The following MACROD2 variants were observed in gnomAD, a reference collection of about 807,000 sequenced individuals.
The protein encoded by MACROD2 is mono-ADP ribosylhydrolase 2.
In MACROD2, 36 loss-of-function variants were observed where a neutral mutation model predicts 70.4. The observed-to-expected ratio is 0.51, with a 90% CI of 0.39 to 0.68. MACROD2 has a LOEUF of 0.68. MACROD2 is among the 30% of genes least tolerant of loss of function. MACROD2 has a pLI of 0.00. For synonymous variants in MACROD2, 172 were observed against 178.8 expected (o/e 0.96, Z 0.30); for missense variants, 496 against 538.4 (o/e 0.92, Z 0.78).
intron 8 of MACROD2, among the ~76,000 whole-genome samples, chr20:15,691,716 T>A (rs6034262): frequency 0.26 from 38,973 of 152,068 alleles, 6,377 homozygotes; most frequent in African/African-American, 0.47. Context: ...CAAACATGGA[T>A]GTTGCCCAGT....
chr20:14,428,843 G>A (rs2122921581), intron 3 of MACROD2, among the ~76,000 whole-genome samples: 1 of 152,162 alleles, frequency 6.6e-6, no homozygotes, highest in East Asian at 1.9e-4. Flanking sequence ...ATTTTTTATT[G>A]TATAGCCGAA....
intron 8 of MACROD2, among the ~76,000 whole-genome samples, chr20:15,606,620 G>A (rs1296372999): frequency 6.6e-6 from 1 of 152,210 alleles, no homozygotes; most frequent in South Asian, 2.1e-4. Flanking sequence ...CTATCATGAA[G>A]CTACAAGTAT....
At chr20:14,447,269 C>T (rs1261048568) in intron 3 of MACROD2, among the ~76,000 whole-genome samples, 1 of 152,130 alleles carries the variant, frequency 6.6e-6, no homozygotes, top group Non-Finnish European at 1.5e-5. Flanking sequence ...TCACCTGCCT[C>T]AGCCTCCCAA....
intron 6 of MACROD2, among the ~76,000 whole-genome samples, chr20:15,391,273 G>A (rs2045788555): frequency 1.3e-5 from 2 of 152,202 alleles, no homozygotes; most frequent in Admixed American, 1.3e-4. Flanking sequence ...CAGTGCAATT[G>A]CTTTTGTGTG....
In MACROD2 at chr20:14,554,923, T is replaced by A. The variant is rs539269856; in HGVS notation, c.301+61415T>A. Among the ~76,000 whole-genome samples the A allele has an allele frequency of 1.6e-3, 246 of 152,106 alleles. 1 individual carries two copies. Among genetic ancestry groups the A allele is most frequent in the African/African-American group, 5.4e-3 (225 of 41,522 alleles). On this transcript the variant is annotated intron_variant, in intron 4 of 17. Coordinates refer to ENST00000684519, the MANE Select transcript of MACROD2 (RefSeq NM_001351661.2). Reference sequence around the variant, plus strand: ...ATGCATGTGTGTTTTGAGACCAAGGTTTTTTGTTTGTTTTAATATTTTGGG... The same window carrying A: ...ATGCATGTGTGTTTTGAGACCAAGGATTTTTGTTTGTTTTAATATTTTGGG...
chr20:15,783,758 A>G (rs2051874784), intron 8 of MACROD2, among the ~76,000 whole-genome samples: 1 of 152,176 alleles, frequency 6.6e-6, no homozygotes, highest in South Asian at 2.1e-4. Flanking sequence ...GTGTGTCTCC[A>G]GTTGCCTCTC....
intron 8 of MACROD2, among the ~76,000 whole-genome samples, chr20:15,814,335 C>A (rs547048089): frequency 8.5e-5 from 13 of 152,256 alleles, no homozygotes; most frequent in Admixed American, 2.0e-4. Context: ...AATTAACATC[C>A]CTTAAAACCT....
chr20:14,094,541 A>G (rs1356556290), intron 3 of MACROD2, among the ~76,000 whole-genome samples: 2 of 152,148 alleles, frequency 1.3e-5, no homozygotes, highest in Non-Finnish European at 2.9e-5. Flanking sequence ...TGTAGTATAC[A>G]ATACTGTTGA....
chr20:16,028,234 T>C (rs1295040684), intron 15 of MACROD2, among the ~76,000 whole-genome samples: 1 of 152,238 alleles, frequency 6.6e-6, no homozygotes, highest in Non-Finnish European at 1.5e-5. Flanking sequence ...CCACCATGCT[T>C]GGTTCATATG....
chr20:15,878,121 A>G (rs1486026925), intron 9 of MACROD2, among the ~76,000 whole-genome samples: 5 of 151,998 alleles, frequency 3.3e-5, no homozygotes, highest in Non-Finnish European at 5.9e-5. Context: ...GCCATGGACC[A>G]TGATAATCTT....
chr20:15,264,240 ACTATTT>A (rs1238910253), intron 6 of MACROD2, among the ~76,000 whole-genome samples: 2 of 152,182 alleles, frequency 1.3e-5, no homozygotes, highest in Non-Finnish European at 2.9e-5. Flanking sequence ...AATAAAATTT[ACTATTT>A]TGAGAAGATC....
chr20:14,114,659 G>A (rs957573697), intron 3 of MACROD2, among the ~76,000 whole-genome samples: 6 of 152,038 alleles, frequency 3.9e-5, no homozygotes, highest in African/African-American at 9.7e-5. Flanking sequence ...AACGAGGAAC[G>A]GGGCACAAGA....
chr20:14,880,661 C>T (rs2073600697), intron 5 of MACROD2, among the ~76,000 whole-genome samples: 1 of 152,178 alleles, frequency 6.6e-6, no homozygotes, highest in Admixed American at 6.5e-5. Flanking sequence ...GGCAAAACAC[C>T]CTTCAGCTGC....
chr20:14,427,976 G>A (rs2083952338), intron 3 of MACROD2, among the ~76,000 whole-genome samples: 1 of 152,064 alleles, frequency 6.6e-6, no homozygotes, highest in South Asian at 2.1e-4. Flanking sequence ...TTTCTTATTT[G>A]TAACCTTATC....
At position 14,762,212 on chromosome 20, in the gene MACROD2, G is replaced by A. The variant is rs745692230; in HGVS notation, c.418+77253G>A. Among the ~76,000 whole-genome samples the A allele has an allele frequency of 2.2e-4, 33 of 152,054 alleles. 1 individual carries two copies. The highest frequency in any genetic ancestry group is 5.2e-4 in the Admixed American group (8 of 15,280). On this transcript the variant is annotated intron_variant, in intron 5 of 17. Transcript: ENST00000684519. Reference sequence around the variant, plus strand: ...TTATGCCCGCCAGGGTCTGTGTCATGCTTTCAGCACAACCCTCCACTTATT... The same window carrying A: ...TTATGCCCGCCAGGGTCTGTGTCATACTTTCAGCACAACCCTCCACTTATT...
intron 6 of MACROD2, among the ~76,000 whole-genome samples, chr20:15,378,513 TTA>T (rs1407554824): frequency 1.3e-5 from 2 of 152,146 alleles, no homozygotes; most frequent in Non-Finnish European, 2.9e-5. Context: ...TATCTTGCAT[TTA>T]TATGTTATGT....
chr20:15,897,815 T>G (rs1232271365), intron 10 of MACROD2, among the ~76,000 whole-genome samples: 4 of 152,236 alleles, frequency 2.6e-5, no homozygotes, highest in Admixed American at 6.5e-5. Context: ...TGTACAAGTC[T>G]GATTCTGCAG....
At chr20:16,018,373 TGTGA>T (rs575566436) in intron 15 of MACROD2, among the ~76,000 whole-genome samples, 43 of 152,278 alleles carry the variant, frequency 2.8e-4, no homozygotes, top group South Asian at 8.3e-4. Context: ...TAATGGTTCC[TGTGA>T]GTAAGTCATC....
intron 3 of MACROD2, among the ~76,000 whole-genome samples, chr20:14,344,099 G>A (rs2083041377): frequency 6.6e-6 from 1 of 152,040 alleles, no homozygotes; most frequent in South Asian, 2.1e-4. Context: ...GACTACTTGG[G>A]TACATTAACA....
Sources: gnomAD v4.1 joint callset for allele counts (sites outside exome capture counted in the v4.1 genomes callset) on GRCh38, gnomAD v4.1.1 for gene constraint, MANE v1.5 for transcripts, NCBI Gene and HGNC (gene_info 2026-07-23, HGNC 2026-07-21) for gene names.